Variants in SLC8A1 observed in about 807,000 individuals in gnomAD.
The protein encoded by SLC8A1 is sodium/calcium exchanger 1.
SLC8A1 carries 18 observed loss-of-function variants against 68.3 expected under a neutral mutation model. The ratio of observed to expected loss-of-function variants is 0.26; its 90% confidence interval spans 0.18 to 0.39. The LOEUF is 0.39. SLC8A1 is among the 10% of genes least tolerant of loss of function. The pLI, the probability that SLC8A1 is intolerant of heterozygous loss-of-function variation, is 1.00. For synonymous variants in SLC8A1, 475 were observed against 415.5 expected, an observed-to-expected ratio of 1.14 and a Z score of -1.74; for missense variants, 985 against 1,156.7, an observed-to-expected ratio of 0.85 and a Z score of 2.15.
intron 7 of SLC8A1, chr2:40,123,302 A>C (rs917160414): frequency 3.3e-5 from 5 of 152,258 alleles, no homozygotes; most frequent in African/African-American, 4.8e-5. Flanking sequence ...TTGAAAGAAA[A>C]TAAATACAAT....
At chr2:40,481,664 C>A (rs1704637312) in intron 1 of SLC8A1, among the ~76,000 whole-genome samples, 1 of 152,146 alleles carries the variant, frequency 6.6e-6, no homozygotes, top group African/African-American at 2.4e-5. Flanking sequence ...AAAGTGGAAT[C>A]ATAATTTTTT....
rs917481494 is a variant in SLC8A1, at chr2:40,304,494, G to A, written c.1808+123979C>T. 2.6e-5 allele frequency among the ~76,000 whole-genome samples: 4 copies of A among 152,258 alleles called. No homozygotes were observed. The East Asian group carries it at 7.7e-4, about 29-fold the overall frequency. On this transcript the variant is annotated intron_variant, in intron 2 of 7. Transcript: ENST00000406785. ...ACCTGAGCCACCCAGACGATGGAAT[G>A]AACAGCCTGTAGCCAGTCTGGGCTG...
chr2:40,174,615 ATAT>A (rs1486896232), intron 4 of SLC8A1, 88 bp downstream of exon 6: 1 of 1,188,548 alleles, frequency 8.4e-7, no homozygotes, highest in African/African-American at 1.5e-5. Context: ...CCACAGTTAA[ATAT>A]TAATGCAAGT....
rs5830625 is a variant in SLC8A1 at position 40,406,950 on chromosome 2, GT to G, written c.1808+21522del. On this transcript the variant is annotated intron_variant, in intron 2 of 7. Transcript: ENST00000406785. The stretch of plus-strand genomic sequence containing the variant: ...TTGTGTTCTCAATTCCTTCTCCACA[GT>G]TTTTTTTACTTCATGATGACAATGC... 3.2e-3 allele frequency among the ~76,000 whole-genome samples: 479 copies of G among 151,928 alleles called. 3 individuals carry two copies. The highest frequency in any genetic ancestry group is 0.011 in the African/African-American group (460 of 41,404).
chr2:40,458,122 T>C (rs1018351866), intron 1 of SLC8A1, among the ~76,000 whole-genome samples: 10 of 152,208 alleles, frequency 6.6e-5, no homozygotes, highest in Non-Finnish European at 8.8e-5. Context: ...AATAGCTAAT[T>C]TGTGGCAAAG....
intron 2 of SLC8A1, among the ~76,000 whole-genome samples, chr2:40,186,900 T>C (rs78667195): frequency 0.011 from 1,632 of 152,330 alleles, 11 homozygotes; most frequent in African/African-American, 0.017. Flanking sequence ...AATTCGCAGG[T>C]TATTGCAAAG....
chr2:40,337,712 C>G (rs1666426037), intron 2 of SLC8A1, among the ~76,000 whole-genome samples: 1 of 152,088 alleles, frequency 6.6e-6, no homozygotes, highest in Non-Finnish European at 1.5e-5. Flanking sequence ...CTACTTATGT[C>G]CCTAGGAAAA....
chr2:40,131,136 G>A (rs897252042), intron 7 of SLC8A1, among the ~76,000 whole-genome samples: 21 of 152,144 alleles, frequency 1.4e-4, no homozygotes, highest in African/African-American at 5.1e-4. Context: ...CTGTGAGATG[G>A]ATTTTCATGT....
intron 2 of SLC8A1, among the ~76,000 whole-genome samples, chr2:40,229,325 A>G (rs990572043): frequency 1.3e-5 from 2 of 152,198 alleles, no homozygotes; most frequent in African/African-American, 4.8e-5. Flanking sequence ...CCACTGTTCA[A>G]CAGAAATATA....
rs115217376 is a variant in SLC8A1 at position 40,363,604 on chromosome 2, T to C, written c.1808+64869A>G. Among the ~76,000 whole-genome samples, 552 of 152,282 alleles carry C rather than the reference T, an allele frequency of 3.6e-3. 2 individuals carry two copies. Among genetic ancestry groups the C allele is most frequent in the African/African-American group, 0.013 (526 of 41,574 alleles). On this transcript the variant is annotated intron_variant, in intron 2 of 7. Transcript: ENST00000406785. ...AACCGTGCCTTACCATTATGTCAGT[T>C]GTTCAGTAGTTATTTATTTATACCA...
intron 1 of SLC8A1, among the ~76,000 whole-genome samples, chr2:40,447,588 T>TAAAA (rs139695930): frequency 2.2e-5 from 3 of 139,250 alleles, no homozygotes; most frequent in Admixed American, 7.1e-5. Flanking sequence ...CAATCCAAGT[T>TAAAA]AAAAAAAAAA....
At chr2:40,422,174 G>T (rs957823867) in intron 2 of SLC8A1, among the ~76,000 whole-genome samples, 7 of 152,034 alleles carry the variant, frequency 4.6e-5, no homozygotes, top group African/African-American at 1.7e-4. Context: ...CTGCCACCTG[G>T]CCCAGAGCCA....
At chr2:40,121,788 T>G (rs1347687176) in intron 7 of SLC8A1, among the ~76,000 whole-genome samples, 2 of 152,312 alleles carry the variant, frequency 1.3e-5, no homozygotes, top group East Asian at 1.9e-4. Context: ...TTGCCAATGA[T>G]TCTATACTTT....
At chr2:40,405,759 T>A (rs1178728415) in intron 2 of SLC8A1, among the ~76,000 whole-genome samples, 1 of 152,176 alleles carries the variant, frequency 6.6e-6, no homozygotes, top group Non-Finnish European at 1.5e-5. Flanking sequence ...ATTTTTTTCC[T>A]TGGCTATTCT....
chr2:40,231,333 T>C (rs748961020), intron 2 of SLC8A1, among the ~76,000 whole-genome samples: 4 of 152,196 alleles, frequency 2.6e-5, no homozygotes, highest in Admixed American at 6.5e-5. Flanking sequence ...ATTGGACTTA[T>C]GGCATTCACA....
intron 2 of SLC8A1, among the ~76,000 whole-genome samples, chr2:40,208,788 T>C (rs1211721004): frequency 2.0e-5 from 3 of 152,062 alleles, no homozygotes; most frequent in African/African-American, 7.2e-5. Context: ...TAGTGTCCTT[T>C]TTTTCCTTCT....
intron 1 of SLC8A1, among the ~76,000 whole-genome samples, chr2:40,503,586 C>T (rs1706183232): frequency 6.6e-6 from 1 of 152,008 alleles, no homozygotes; most frequent in African/African-American, 2.4e-5. Flanking sequence ...AGCTATTCAA[C>T]TGATAAACAA....
chr2:40,160,455 A>C (rs1387133602), intron 6 of SLC8A1, among the ~76,000 whole-genome samples: 1 of 152,082 alleles, frequency 6.6e-6, no homozygotes, highest in Non-Finnish European at 1.5e-5. Context: ...GCTTACAGGG[A>C]ATTTTCCAGA....
intron 2 of SLC8A1, among the ~76,000 whole-genome samples, chr2:40,413,796 T>C (rs148868550): frequency 3.4e-3 from 524 of 152,332 alleles, no homozygotes; most frequent in African/African-American, 0.012. Context: ...GGCAAATTTT[T>C]ATATTTACTA....
Sources: gnomAD v4.1 joint callset for allele counts (sites outside exome capture counted in the v4.1 genomes callset) on GRCh38, gnomAD v4.1.1 for gene constraint, MANE v1.5 for transcripts, NCBI Gene and HGNC (gene_info 2026-07-23, HGNC 2026-07-21) for gene names.